Variants in LUZP2 observed in about 807,000 individuals in gnomAD.
The protein encoded by LUZP2 is leucine zipper protein 2.
A neutral mutation model predicts 51.6 loss-of-function variants in LUZP2; 52 were observed. The observed-to-expected ratio is 1.01, with a 90% confidence interval of 0.81 to 1.27. LUZP2 has a LOEUF of 1.27. LUZP2 is among the 50% of genes most tolerant of loss of function. The pLI is 0.00. For synonymous variants in LUZP2, 154 were observed against 137.3 expected (o/e 1.12, Z -0.85); for missense variants, 436 against 395.4 (o/e 1.10, Z -0.87).
At chr11:24,674,877 G>T (rs1475639100) in intron 1 of LUZP2, among the ~76,000 whole-genome samples, 1 of 152,164 alleles carries the variant, frequency 6.6e-6, no homozygotes, top group Non-Finnish European at 1.5e-5. Flanking sequence ...AGGAATTTCA[G>T]AAATTTTAGA....
chr11:25,008,408 T>A (rs1486611856), intron 9 of LUZP2, among the ~76,000 whole-genome samples: 1 of 152,176 alleles, frequency 6.6e-6, no homozygotes, highest in African/African-American at 2.4e-5. Context: ...GCGAATGGGA[T>A]GGCAGGGGGA....
intron 3 of LUZP2, 43 bp downstream of exon 3, chr11:24,732,231 C>G (rs377504121): frequency 7.0e-7 from 1 of 1,421,228 alleles, no homozygotes; most frequent in South Asian, 1.3e-5. Flanking sequence ...GCCATAGTGT[C>G]AAGCAACATT....
intron 1 of LUZP2, among the ~76,000 whole-genome samples, chr11:24,566,322 A>AT (rs1458618461): frequency 8.2e-4 from 3 of 3,648 alleles, no homozygotes; most frequent in Non-Finnish European, 1.7e-3. Flanking sequence ...TGTATTATTT[A>AT]TTTATTTTTT....
chr11:24,792,706 A>G (rs1432749058), intron 5 of LUZP2, among the ~76,000 whole-genome samples: 1 of 152,152 alleles, frequency 6.6e-6, no homozygotes, highest in Non-Finnish European at 1.5e-5. Context: ...ATACCACTAA[A>G]CAAAAATCTT....
intron 5 of LUZP2, among the ~76,000 whole-genome samples, chr11:24,865,006 G>C (rs1486678): frequency 0.82 from 124,234 of 152,228 alleles, 50,927 homozygotes; most frequent in South Asian, 0.88. Context: ...CCCCTGTCTT[G>C]TCTACTTCCT....
At chr11:25,032,137 C>T (rs1857708519) in intron 9 of LUZP2, among the ~76,000 whole-genome samples, 1 of 152,086 alleles carries the variant, frequency 6.6e-6, no homozygotes, top group African/African-American at 2.4e-5. Context: ...CTGGAAGGGC[C>T]AGGGAGTGTA....
At chr11:24,812,631 G>T (rs1850054690) in intron 5 of LUZP2, among the ~76,000 whole-genome samples, 1 of 152,162 alleles carries the variant, frequency 6.6e-6, no homozygotes. Context: ...AAATGTCTCA[G>T]AAAGAGACAA....
At chr11:24,554,818 G>T (rs1442537965) in intron 1 of LUZP2, among the ~76,000 whole-genome samples, 1 of 150,446 alleles carries the variant, frequency 6.6e-6, no homozygotes, top group African/African-American at 2.4e-5. Context: ...TTCAAGTCCG[G>T]TAATGATGGT....
At chr11:24,962,690 C>G (rs571490868) in intron 7 of LUZP2, among the ~76,000 whole-genome samples, 1 of 152,224 alleles carries the variant, frequency 6.6e-6, no homozygotes, top group South Asian at 2.1e-4. Context: ...AAGTTTTTAA[C>G]TTCTTTGCCT....
At chr11:24,532,454 A>C (rs1851036171) in intron 1 of LUZP2, among the ~76,000 whole-genome samples, 1 of 151,006 alleles carries the variant, frequency 6.6e-6, no homozygotes, top group Non-Finnish European at 1.5e-5. Flanking sequence ...TTATTGAAGA[A>C]ATAAATAACT....
chr11:24,952,586 G>T (rs1855107176), intron 7 of LUZP2, among the ~76,000 whole-genome samples: 1 of 151,734 alleles, frequency 6.6e-6, no homozygotes, highest in Middle Eastern at 3.2e-3. Flanking sequence ...ATTGACAGAG[G>T]TGAGGAGTTT....
At chr11:24,501,523 CTCAGTGACT>C (rs1202757152) in intron 1 of LUZP2, among the ~76,000 whole-genome samples, 11 of 152,212 alleles carry the variant, frequency 7.2e-5, no homozygotes. Flanking sequence ...GCGGCTGTTT[CTCAGTGACT>C]TCTAGAAGAT....
intron 1 of LUZP2, among the ~76,000 whole-genome samples, chr11:24,728,315 AACAC>A (rs57635363): frequency 2.0e-5 from 3 of 151,004 alleles, no homozygotes; most frequent in Non-Finnish European, 4.4e-5. Flanking sequence ...ATTAAACACA[AACAC>A]ACACACACAC....
intron 5 of LUZP2, among the ~76,000 whole-genome samples, chr11:24,788,630 A>G (rs540467021): frequency 6.6e-6 from 1 of 152,312 alleles, no homozygotes; most frequent in South Asian, 2.1e-4. Context: ...ATATATTCAT[A>G]TAAATATGTT....
At chr11:24,688,389 A>G (rs958864927) in intron 1 of LUZP2, among the ~76,000 whole-genome samples, 1 of 152,186 alleles carries the variant, frequency 6.6e-6, no homozygotes, top group Non-Finnish European at 1.5e-5. Flanking sequence ...TTTTGGAAGC[A>G]CTGGGGAACT....
chr11:24,732,486 G>A (rs1858749349), intron 3 of LUZP2, among the ~76,000 whole-genome samples: 1 of 151,512 alleles, frequency 6.6e-6, no homozygotes, highest in South Asian at 2.1e-4. Context: ...TAGTAAGATG[G>A]ACCCAGGTAA....
intron 9 of LUZP2, among the ~76,000 whole-genome samples, chr11:25,005,903 G>T (rs2133950130): frequency 6.6e-6 from 1 of 152,224 alleles, no homozygotes; most frequent in South Asian, 2.1e-4. Flanking sequence ...TTAGTATCGG[G>T]ATCTTACCCC....
At chr11:24,873,665 C>G (rs1022069206) in intron 5 of LUZP2, among the ~76,000 whole-genome samples, 3 of 129,676 alleles carry the variant, frequency 2.3e-5, no homozygotes, top group Non-Finnish European at 5.3e-5. Context: ...TACTTGAGGC[C>G]ATGCTCTCAC....
At chr11:24,891,380 T>C in intron 5 of LUZP2, 1 of 946,590 alleles carries the variant, frequency 1.1e-6, no homozygotes, top group Non-Finnish European at 1.3e-6. Context: ...ATATATACAC[T>C]ATGTTACATA....
Sources: gnomAD v4.1 joint callset for allele counts (sites outside exome capture counted in the v4.1 genomes callset) on GRCh38, gnomAD v4.1.1 for gene constraint, MANE v1.5 for transcripts, NCBI Gene and HGNC (gene_info 2026-07-23, HGNC 2026-07-21) for gene names.